The following C7 variants were observed in gnomAD, a reference collection of about 807,000 sequenced individuals.
C7 encodes the protein complement component C7.
A neutral mutation model predicts 104.8 loss-of-function variants in C7; 83 were observed. The observed-to-expected ratio is 0.79, with a 90% CI of 0.66 to 0.95. The LOEUF is 0.95. Among genes scored for constraint, C7 ranks in the 40% least tolerant of loss-of-function variants. The probability of loss-of-function intolerance (pLI) is 0.00; values close to 1 mark genes in which losing one functional copy is unlikely to be tolerated. For synonymous variants in C7, 415 were observed against 360.6 expected (o/e 1.15, Z -1.71); for missense variants, 1,070 against 1,011.2 (o/e 1.06, Z -0.79).
Position 40,909,534 on chromosome 5 carries a change from T to C in C7, c.-77T>C, listed in dbSNP as rs1480035574. On this transcript the variant is annotated 5_prime_UTR_variant, in exon 1 of 18. Coordinates refer to ENST00000313164, the MANE Select transcript of C7 (RefSeq NM_000587.4). ...AGAGGCAGGCAGCCTGCTGGGCTCT[T>C]CCTGCTGTTGAAAACTTACCCGGCC... 23 of 1,182,702 alleles carry C rather than the reference T, an allele frequency of 1.9e-5. No homozygotes were observed. The highest frequency in any genetic ancestry group is 2.8e-5 in the Non-Finnish European group (23 of 816,856). The allele number at this position is 1,182,702 out of a possible 1,614,324, so 73.3% of individuals were successfully genotyped here.
intron 3 of C7, among the ~76,000 whole-genome samples, chr5:40,932,899 G>A (rs1739726115): frequency 6.6e-6 from 1 of 152,006 alleles, no homozygotes; most frequent in African/African-American, 2.4e-5. Context: ...GGGGTTGTAG[G>A]GTCAGACTTT....
chr5:40,943,400 G>A (rs1017019090), intron 6 of C7, among the ~76,000 whole-genome samples: 20 of 152,028 alleles, frequency 1.3e-4, no homozygotes, highest in African/African-American at 3.9e-4. Flanking sequence ...GAAGAAGGAG[G>A]GTATTAATTA....
At chr5:40,963,468 C>G (rs1354569360) in intron 13 of C7, among the ~76,000 whole-genome samples, 1 of 152,160 alleles carries the variant, frequency 6.6e-6, no homozygotes, top group Non-Finnish European at 1.5e-5. Context: ...CTCCCCATTT[C>G]CCTCAAACCT....
chr5:40,912,837 G>T (rs1014751855), intron 1 of C7, among the ~76,000 whole-genome samples: 8 of 152,116 alleles, frequency 5.3e-5, no homozygotes, highest in African/African-American at 1.9e-4. Flanking sequence ...GGGTACAAGT[G>T]CAATTTTGTT....
intron 1 of C7, among the ~76,000 whole-genome samples, chr5:40,921,427 T>C (rs768176098): frequency 6.6e-6 from 1 of 151,976 alleles, no homozygotes; most frequent in Non-Finnish European, 1.5e-5. Context: ...AAGATACCAA[T>C]GAAATTATTC....
Position 40,979,738 on chromosome 5 carries a change from G to A in C7, c.2179G>A (p.Val727Ile). 1 of 1,611,854 alleles carries A rather than the reference G, an allele frequency of 6.2e-7. No homozygotes were observed. Among genetic ancestry groups the A allele is most frequent in the Non-Finnish European group, 8.5e-7 (1 of 1,178,788 alleles). ...AATTCTTTTCAGACCTTCCTTGGATGTATGTGCTCAAGATGAGAGAAGCAA... is the reference window on the plus strand; with the variant it reads ...AATTCTTTTCAGACCTTCCTTGGATATATGTGCTCAAGATGAGAGAAGCAA... ...MPYECGPSLD[V>I]CAQDERSKRI... Residue 727 changes from valine to isoleucine, a missense_variant, in exon 17 of 18, where the codon GTA becomes ATA. Coordinates refer to ENST00000313164, the MANE Select transcript of C7 (RefSeq NM_000587.4).
intron 2 of C7, among the ~76,000 whole-genome samples, chr5:40,929,206 G>A (rs1229674594): frequency 6.6e-6 from 1 of 152,160 alleles, no homozygotes; most frequent in Non-Finnish European, 1.5e-5. Context: ...GGCACTGGGA[G>A]CATGCTGGGT....
chr5:40,958,608 C>T (rs1297001780), intron 11 of C7, among the ~76,000 whole-genome samples: 2 of 152,194 alleles, frequency 1.3e-5, no homozygotes, highest in Non-Finnish European at 2.9e-5. Flanking sequence ...CCTAATCTTT[C>T]TGATGGCATG....
At chr5:40,966,167 G>A (rs1740546982) in intron 14 of C7, among the ~76,000 whole-genome samples, 1 of 151,840 alleles carries the variant, frequency 6.6e-6, no homozygotes, top group Non-Finnish European at 1.5e-5. Context: ...GGTTACATGA[G>A]TAAGTTCTTT....
chr5:40,918,439 C>G (rs1026382125), intron 1 of C7, among the ~76,000 whole-genome samples: 2 of 151,970 alleles, frequency 1.3e-5, no homozygotes, highest in Non-Finnish European at 2.9e-5. Context: ...GTAGTAAGTC[C>G]TTATCTATCA....
intron 1 of C7, among the ~76,000 whole-genome samples, chr5:40,909,974 A>ATTTTTT (rs1259880340): frequency 8.0e-6 from 1 of 124,662 alleles, no homozygotes; most frequent in Non-Finnish European, 1.7e-5. Context: ...CCTCTGGTGT[A>ATTTTTT]TTTTTTTTTT....
chr5:40,919,060 A>G (rs1739386227), intron 1 of C7, among the ~76,000 whole-genome samples: 1 of 151,908 alleles, frequency 6.6e-6, no homozygotes, highest in African/African-American at 2.4e-5. Context: ...TCTCCAGGAC[A>G]GATAACATTT....
At chr5:40,973,434 G>A (rs1403260287) in intron 15 of C7, among the ~76,000 whole-genome samples, 4 of 152,188 alleles carry the variant, frequency 2.6e-5, no homozygotes, top group African/African-American at 9.7e-5. Flanking sequence ...TGAGGATGAA[G>A]TACTAGATTT....
intron 12 of C7, among the ~76,000 whole-genome samples, chr5:40,960,370 C>T (rs1050166622): frequency 2.6e-5 from 4 of 151,964 alleles, no homozygotes; most frequent in South Asian, 2.1e-4. Flanking sequence ...CTGGTAGAAG[C>T]GTAGGGTGAA....
chr5:40,923,724 C>T (rs533231120), intron 1 of C7, among the ~76,000 whole-genome samples: 7 of 148,768 alleles, frequency 4.7e-5, no homozygotes, highest in East Asian at 2.0e-4. Context: ...CCAGCCTGAG[C>T]GACAGAGCAA....
At chr5:40,927,011 T>C (rs112184236) in intron 1 of C7, among the ~76,000 whole-genome samples, 7,070 of 152,094 alleles carry the variant, frequency 0.046, 565 homozygotes, top group African/African-American at 0.16. Context: ...TACAAAGCTA[T>C]AGTAATTAAA....
At position 40,981,777 on chromosome 5, in the gene C7, C is replaced by T. The variant is rs1740952466; in HGVS notation, c.*204C>T. ...TACTCTTTTGCCTCCTTTTTAATGT[C>T]AGTAAGGATATGAGCCTTTGCACAG... On this transcript the variant is annotated 3_prime_UTR_variant, in exon 18 of 18. Transcript: ENST00000313164. 3 of 492,482 alleles carry T rather than the reference C, an allele frequency of 6.1e-6. No individual in the cohort carries two copies. Among genetic ancestry groups the T allele is most frequent in the Non-Finnish European group, 1.1e-5 (3 of 279,956 alleles). 30.5% of individuals were successfully genotyped at this position (492,482 alleles called of 1,614,324 possible).
intron 6 of C7, among the ~76,000 whole-genome samples, chr5:40,944,098 GTA>G (rs754969623): frequency 1.4e-4 from 22 of 152,290 alleles, no homozygotes; most frequent in South Asian, 2.1e-4. Context: ...TTTCAAAAAA[GTA>G]TATCATTTCC....
At chr5:40,954,617 T>C (rs1313473100) in intron 9 of C7, among the ~76,000 whole-genome samples, 1 of 151,524 alleles carries the variant, frequency 6.6e-6, no homozygotes, top group African/African-American at 2.4e-5. Flanking sequence ...GGTGCAGTGG[T>C]TCACACCTGT....
Sources: allele counts gnomAD v4.1 joint callset (sites outside exome capture counted in the v4.1 genomes callset), GRCh38; gene constraint gnomAD v4.1.1; transcripts MANE v1.5; gene names NCBI Gene and HGNC (gene_info 2026-07-23, HGNC 2026-07-21).